PSMD14: variants seen among roughly 807,000 people sequenced by gnomAD.
PSMD14 encodes the protein ubiquitin C-terminal hydrolase PSMD14.
PSMD14 carries 7 observed loss-of-function variants against 41.2 expected under a neutral mutation model. The ratio of observed to expected loss-of-function variants is 0.17; its 90% CI spans 0.10 to 0.32. PSMD14 has a LOEUF of 0.32. Among genes scored for constraint, PSMD14 ranks in the 10% least tolerant of loss-of-function variants. The probability of loss-of-function intolerance (pLI) is 1.00; values close to 1 mark genes in which losing one functional copy is unlikely to be tolerated. For synonymous variants in PSMD14, 114 were observed against 122.3 expected, an observed-to-expected ratio of 0.93 and a Z score of 0.45; for missense variants, 139 against 375.6, an observed-to-expected ratio of 0.37 and a Z score of 5.21.
Position 161,343,394 on chromosome 2 carries a change from T to C in PSMD14, c.49-24084T>C, listed in dbSNP as rs1162479997. ...GTTGTAGTATGTGTCAGAATTGTAT[T>C]CCTTTTTATGGTTGAATAATATTCC... On this transcript the variant is annotated intron_variant, in intron 3 of 11. Coordinates refer to ENST00000409682, the MANE Select transcript of PSMD14 (RefSeq NM_005805.6). Among the ~76,000 whole-genome samples the C allele has an allele frequency of 3.9e-5, 6 of 152,346 alleles. No homozygotes were observed. The East Asian group carries it at 1.2e-3, about 29-fold the overall frequency.
chr2:161,324,643 T>G lies in PSMD14; in HGVS notation c.48+5770T>G, dbSNP rs557882158. Among the ~76,000 whole-genome samples the G allele has an allele frequency of 8.5e-5, 13 of 152,102 alleles. No individual in the cohort carries two copies. In the South Asian group the frequency reaches 2.7e-3, roughly 32 times the overall value. ...AGATTTTCTTTCTTTCTTTTTTTTT[T>G]TTTTGAAGTATGAAGATTTTTTTTT... On this transcript the variant is annotated intron_variant, in intron 3 of 11. Coordinates refer to ENST00000409682, the MANE Select transcript of PSMD14 (RefSeq NM_005805.6).
chr2:161,319,560 A>G (rs1360006843), intron 3 of PSMD14, among the ~76,000 whole-genome samples: 1 of 152,180 alleles, frequency 6.6e-6, no homozygotes, highest in Non-Finnish European at 1.5e-5. Context: ...CATTGAGTTA[A>G]TACTAATTAA....
intron 3 of PSMD14, among the ~76,000 whole-genome samples, chr2:161,331,266 T>TA (rs1682784539): frequency 6.6e-6 from 1 of 151,918 alleles, no homozygotes. Context: ...GAATTTTTTT[T>TA]TTTTTTTTAT....
intron 3 of PSMD14, among the ~76,000 whole-genome samples, chr2:161,338,004 ACT>A (rs1256331841): frequency 1.3e-5 from 2 of 152,200 alleles, no homozygotes; most frequent in Admixed American, 6.5e-5. Context: ...ACATTTTGTA[ACT>A]CTCTGACTAC....
chr2:161,411,449 T>TA lies in PSMD14; in HGVS notation c.*49_*50insA. On this transcript the variant is annotated 3_prime_UTR_variant, in exon 12 of 12. Transcript: ENST00000409682. ...ATGCCTTCAGTGTATATTCCTCTGT[T>TA]GTTCCTAATGCTCAAAATCAAGGGA... 7.5e-7 allele frequency: 1 copy of TA among 1,337,238 alleles called. No individual in the cohort carries two copies. The highest frequency in any genetic ancestry group is 1.0e-6 in the Non-Finnish European group (1 of 965,604). 82.8% of individuals were successfully genotyped at this position (1,337,238 alleles called of 1,614,324 possible).
At chr2:161,328,550 G>T (rs1009285169) in intron 3 of PSMD14, among the ~76,000 whole-genome samples, 1 of 151,898 alleles carries the variant, frequency 6.6e-6, no homozygotes, top group South Asian at 2.1e-4. Flanking sequence ...CATTCAATAC[G>T]GTAGCCACTA....
At chr2:161,333,553 G>A (rs181507060) in intron 3 of PSMD14, among the ~76,000 whole-genome samples, 1 of 152,350 alleles carries the variant, frequency 6.6e-6, no homozygotes, top group African/African-American at 2.4e-5. Context: ...CTAGACACTA[G>A]CTGAGATCCA....
intron 3 of PSMD14, among the ~76,000 whole-genome samples, chr2:161,352,976 CTG>C (rs1298820192): frequency 1.3e-5 from 2 of 152,236 alleles, no homozygotes; most frequent in Middle Eastern, 3.4e-3. Context: ...GACTTGAACT[CTG>C]TGTCTTCTCA....
At chr2:161,367,675 A>G in intron 4 of PSMD14, 109 bp from the exon 5 acceptor site, 1 of 1,334,128 alleles carries the variant, frequency 7.5e-7, no homozygotes, top group East Asian at 2.8e-5. Flanking sequence ...GTACATTTAT[A>G]AAAGGAGTTT....
At chr2:161,326,062 G>A (rs896641916) in intron 3 of PSMD14, among the ~76,000 whole-genome samples, 2 of 151,988 alleles carry the variant, frequency 1.3e-5, no homozygotes, top group African/African-American at 4.8e-5. Context: ...TTTTAAGATG[G>A]AGTCTTGCTC....
chr2:161,310,015 G>C (rs925711566), intron 1 of PSMD14, among the ~76,000 whole-genome samples: 17 of 152,114 alleles, frequency 1.1e-4, no homozygotes, highest in African/African-American at 4.1e-4. Context: ...AAAAAAATCA[G>C]CCGGGCATGG....
intron 3 of PSMD14, among the ~76,000 whole-genome samples, chr2:161,320,296 A>G (rs1257228507): frequency 6.6e-6 from 1 of 152,208 alleles, no homozygotes; most frequent in African/African-American, 2.4e-5. Context: ...TAAATTACCC[A>G]TCTTGGAAAT....
At chr2:161,364,005 A>G (rs1326790057) in intron 3 of PSMD14, among the ~76,000 whole-genome samples, 2 of 152,328 alleles carry the variant, frequency 1.3e-5, no homozygotes, top group African/African-American at 4.8e-5. Context: ...GCCTTGGTGT[A>G]CTGGAAGAAT....
chr2:161,358,672 C>T (rs997220028), intron 3 of PSMD14, among the ~76,000 whole-genome samples: 2 of 152,160 alleles, frequency 1.3e-5, no homozygotes, highest in East Asian at 1.9e-4. Flanking sequence ...TGGCCGGGCA[C>T]GGTGGCTCAC....
At chr2:161,378,781 A>C (rs1448785396) in intron 7 of PSMD14, among the ~76,000 whole-genome samples, 1 of 151,970 alleles carries the variant, frequency 6.6e-6, no homozygotes, top group Admixed American at 6.6e-5. Context: ...AATTCTCTAC[A>C]CTGCAGTTTC....
intron 3 of PSMD14, among the ~76,000 whole-genome samples, chr2:161,363,875 G>T (rs184307480): frequency 6.6e-6 from 1 of 152,264 alleles, no homozygotes; most frequent in Non-Finnish European, 1.5e-5. Context: ...GGCCCCAGTG[G>T]GTGTGTGTTA....
rs1314267544 is a variant in PSMD14, at chr2:161,395,085, T to C, written c.653T>C (p.Leu218Pro). 6.3e-7 allele frequency: 1 copy of C among 1,586,056 alleles called. No individual in the cohort carries two copies. The highest frequency in any genetic ancestry group is 8.6e-7 in the Non-Finnish European group (1 of 1,169,280). Reference sequence around the variant, plus strand: ...TTTTCTTTTATTTTTTAGATGTTGCTAAATTTGCATAAGAAGAGTTGGATG... The same window carrying C: ...TTTTCTTTTATTTTTTAGATGTTGCCAAATTTGCATAAGAAGAGTTGGATG... The part of the protein sequence containing the change: ...RKNELEQKML[L>P]NLHKKSWMEG... The change falls in exon 10 of 12, where the codon CTA (leucine) becomes CCA (proline). Residue 218 changes from leucine (L) to proline (P), a missense_variant. Transcript: ENST00000409682.
intron 3 of PSMD14, among the ~76,000 whole-genome samples, chr2:161,336,872 G>A (rs970475639): frequency 1.3e-5 from 2 of 152,232 alleles, no homozygotes; most frequent in African/African-American, 4.8e-5. Flanking sequence ...ACCGTGCTCA[G>A]CCTATGTGTT....
intron 7 of PSMD14, among the ~76,000 whole-genome samples, chr2:161,379,542 T>C (rs1297662889): frequency 6.6e-6 from 1 of 152,058 alleles, no homozygotes; most frequent in African/African-American, 2.4e-5. Flanking sequence ...TGATGTAAAA[T>C]TTATAGTTAT....
Sources: gnomAD v4.1 joint callset for allele counts (sites outside exome capture counted in the v4.1 genomes callset) on GRCh38, gnomAD v4.1.1 for gene constraint, MANE v1.5 for transcripts, NCBI Gene and HGNC (gene_info 2026-07-23, HGNC 2026-07-21) for gene names.